Variants in ARMC2 observed in about 807,000 individuals in gnomAD.
ARMC2 encodes the protein armadillo repeat-containing protein 2.
Under a neutral mutation model 90.3 loss-of-function variants are expected in ARMC2, and 67 were observed. The observed-to-expected ratio is 0.74, with a 90% CI of 0.61 to 0.91. The LOEUF (loss-of-function observed/expected upper bound fraction) is 0.91, where lower values mean the gene tolerates loss of function less well. Ranked by LOEUF, ARMC2 falls within the 40% of genes least tolerant of loss-of-function variation. ARMC2 has a pLI of 0.00. For missense variants in ARMC2, 920 were observed against 1,030.9 expected (o/e 0.89, Z 1.47); for synonymous variants, 393 against 393.0 (o/e 1.00, Z 0.00).
At chr6:108,915,146 G>C (rs1464469520) in intron 10 of ARMC2, among the ~76,000 whole-genome samples, 1 of 151,942 alleles carries the variant, frequency 6.6e-6, no homozygotes, top group East Asian at 1.9e-4. Context: ...AGTAGAGACA[G>C]GGTTTCACCA....
the ARMC2 span, among the ~76,000 whole-genome samples, chr6:108,979,848 C>T: frequency 8.6e-5 from 13 of 151,890 alleles, no homozygotes; most frequent in East Asian, 2.0e-4. Context: ...TCCATCAGGT[C>T]GTTCATGTTC....
At chr6:108,989,993 C>T in the ARMC2 span, among the ~76,000 whole-genome samples, 2 of 152,090 alleles carry the variant, frequency 1.3e-5, no homozygotes, top group African/African-American at 2.4e-5. Context: ...ATGCCAGATC[C>T]GTTTAGAGTA....
chr6:108,849,299 A>G (rs1285961781), intron 1 of ARMC2, among the ~76,000 whole-genome samples: 10 of 152,166 alleles, frequency 6.6e-5, no homozygotes, highest in African/African-American at 2.4e-4. Context: ...TGGTTTCTTA[A>G]TCTATGGGAT....
chr6:108,899,838 TAA>T, intron 7 of ARMC2, 46 bp downstream of exon 7: 1 of 1,408,662 alleles, frequency 7.1e-7, no homozygotes. Flanking sequence ...GTTTTTTTTT[TAA>T]AAAATACCTG....
At chr6:108,987,772 G>A in the ARMC2 span, 1 of 424,252 alleles carries the variant, frequency 2.4e-6, no homozygotes, top group Non-Finnish European at 4.2e-6. Flanking sequence ...TGGGTTTGTT[G>A]AACAGATTAT....
the ARMC2 span, among the ~76,000 whole-genome samples, chr6:109,032,953 G>A: frequency 6.6e-6 from 1 of 152,078 alleles, no homozygotes; most frequent in Non-Finnish European, 1.5e-5. Context: ...ACCCACACAG[G>A]TATTTCATTG....
At chr6:108,932,516 CTTTTTTTTTTTTTTTTT>C (rs60000198) in intron 11 of ARMC2, among the ~76,000 whole-genome samples, 2 of 77,894 alleles carry the variant, frequency 2.6e-5, no homozygotes, top group African/African-American at 5.9e-5. Flanking sequence ...TTCTCCATTG[CTTTTTTTTTTTTTTTTT>C]TTTTTTTTTT....
intron 6 of ARMC2, among the ~76,000 whole-genome samples, chr6:108,897,366 G>A (rs572708618): frequency 1.3e-5 from 2 of 152,248 alleles, no homozygotes; most frequent in East Asian, 3.9e-4. Context: ...GTACTGATGT[G>A]GACTAATTTG....
intron 1 of ARMC2, among the ~76,000 whole-genome samples, chr6:108,850,477 C>T (rs1180115215): frequency 6.6e-6 from 1 of 152,166 alleles, no homozygotes. Context: ...ACCTCTGCTT[C>T]ACCTTGACTC....
At chr6:108,990,084 A>G in the ARMC2 span, among the ~76,000 whole-genome samples, 2 of 152,258 alleles carry the variant, frequency 1.3e-5, no homozygotes, top group Non-Finnish European at 2.9e-5. Context: ...GTTAACTAGT[A>G]AGCACTGTAG....
At chr6:108,954,075 C>T (rs1214359696) in intron 13 of ARMC2, among the ~76,000 whole-genome samples, 2 of 152,108 alleles carry the variant, frequency 1.3e-5, no homozygotes, top group Non-Finnish European at 2.9e-5. Flanking sequence ...TCTGTCTCTC[C>T]CCCTCCTCTT....
intron 8 of ARMC2, among the ~76,000 whole-genome samples, chr6:108,906,143 CT>C (rs1450192195): frequency 7.2e-5 from 11 of 152,110 alleles, no homozygotes; most frequent in African/African-American, 2.2e-4. Context: ...TAATTTTAAT[CT>C]TTGTGTCAGA....
At chr6:108,850,947 C>T (rs1174021365) in intron 1 of ARMC2, among the ~76,000 whole-genome samples, 1 of 152,118 alleles carries the variant, frequency 6.6e-6, no homozygotes, top group Non-Finnish European at 1.5e-5. Context: ...AGGAAAGCTT[C>T]CTTGAGGAAA....
chr6:109,008,729 C>G, the ARMC2 span: 1 of 974,058 alleles, frequency 1.0e-6, no homozygotes. Context: ...GAAAAAAACA[C>G]AAAATGTTAC....
chr6:108,986,480 T>TACTG, the ARMC2 span: 8 of 152,666 alleles, frequency 5.2e-5, no homozygotes, highest in African/African-American at 9.6e-5. Context: ...ATACCAGTAA[T>TACTG]ACTGACAGAC....
chr6:109,004,782 C>T, the ARMC2 span, among the ~76,000 whole-genome samples: 2 of 152,082 alleles, frequency 1.3e-5, no homozygotes, highest in Admixed American at 1.3e-4. Flanking sequence ...AAAGAAAATA[C>T]AAATGGTTGA....
the ARMC2 span, among the ~76,000 whole-genome samples, chr6:108,983,357 A>C: frequency 6.6e-6 from 1 of 152,176 alleles, no homozygotes; most frequent in Non-Finnish European, 1.5e-5. Flanking sequence ...TGCCAAATCC[A>C]ATGTTGTGAA....
At chr6:108,938,415 ATTTT>A (rs34837816) in intron 12 of ARMC2, among the ~76,000 whole-genome samples, 5 of 141,470 alleles carry the variant, frequency 3.5e-5, no homozygotes, top group Non-Finnish European at 3.1e-5. Context: ...CACCTGGCTA[ATTTT>A]TTTTTTTTTT....
At chr6:108,854,768 T>C (rs886314697) in intron 2 of ARMC2, among the ~76,000 whole-genome samples, 1 of 152,204 alleles carries the variant, frequency 6.6e-6, no homozygotes, top group African/African-American at 2.4e-5. Flanking sequence ...GTAGTTCACA[T>C]TGGCGTTCAC....
Sources: allele counts gnomAD v4.1 joint callset (sites outside exome capture counted in the v4.1 genomes callset), GRCh38; gene constraint gnomAD v4.1.1; transcripts MANE v1.5; gene names NCBI Gene and HGNC (gene_info 2026-07-23, HGNC 2026-07-21).